The following DDX46 variants were observed in gnomAD, a reference collection of about 807,000 sequenced individuals.
DDX46 encodes probable ATP-dependent RNA helicase DDX46.
In DDX46, 30 loss-of-function variants were observed where a neutral mutation model predicts 134.9. The observed-to-expected ratio is 0.22, with a 90% confidence interval of 0.17 to 0.30. The LOEUF (loss-of-function observed/expected upper bound fraction) is 0.30, where lower values mean the gene tolerates loss of function less well. Among genes scored for constraint, DDX46 ranks in the 10% least tolerant of loss-of-function variants. The pLI, the probability that DDX46 is intolerant of heterozygous loss-of-function variation, is 1.00. For synonymous variants in DDX46, 415 were observed against 404.1 expected, an observed-to-expected ratio of 1.03 and a Z score of -0.32; for missense variants, 622 against 1,248.7, an observed-to-expected ratio of 0.50 and a Z score of 7.56.
chr5:134,806,600 T>C (rs1754993635), intron 15 of DDX46, among the ~76,000 whole-genome samples: 1 of 152,354 alleles, frequency 6.6e-6, no homozygotes, highest in East Asian at 1.9e-4. Flanking sequence ...GATTCCAGTT[T>C]CTTTGACAAT....
chr5:134,801,950 G>T (rs1754840818), intron 15 of DDX46, among the ~76,000 whole-genome samples: 1 of 152,028 alleles, frequency 6.6e-6, no homozygotes, highest in Admixed American at 6.6e-5. Flanking sequence ...TATTTATTCT[G>T]TGTGGGGTTC....
At chr5:134,786,954 A>G (rs1754356407) in intron 11 of DDX46, among the ~76,000 whole-genome samples, 1 of 151,588 alleles carries the variant, frequency 6.6e-6, no homozygotes, top group Non-Finnish European at 1.5e-5. Context: ...ACAGCATCTT[A>G]CTCTGTTGCC....
intron 19 of DDX46, 99 bp downstream of exon 19, chr5:134,816,705 G>A: frequency 8.4e-7 from 1 of 1,191,100 alleles, no homozygotes; most frequent in Non-Finnish European, 1.2e-6. Context: ...AGTTGTCCTA[G>A]ACATTGAGTT....
At chr5:134,777,507 G>A in intron 5 of DDX46, 67 bp from the exon 6 acceptor site, 2 of 1,575,230 alleles carry the variant, frequency 1.3e-6, no homozygotes, top group Non-Finnish European at 1.7e-6. Flanking sequence ...GAGGTGGGGT[G>A]TGGTCTGATT....
rs929261805 is a variant in DDX46 at position 134,830,414 on chromosome 5, C to G, written c.*1708C>G. 6.6e-6 allele frequency: 1 copy of G among 151,732 alleles called. No individual in the cohort carries two copies. Among genetic ancestry groups the G allele is most frequent in the African/African-American group, 2.4e-5 (1 of 41,046 alleles). The allele number at this position is 151,732 out of a possible 1,614,324, so 9.4% of individuals were successfully genotyped here. ...GAGGAGGGGTTTAAGGGGTGTCCTG[C>G]AATCAGTCCCCCTCTCATACCAAAG... is the stretch of plus-strand genomic sequence containing the variant. On this transcript the variant is annotated 3_prime_UTR_variant, in exon 23 of 23. Coordinates refer to ENST00000452510, the MANE Select transcript of DDX46 (RefSeq NM_001300860.2).
intron 15 of DDX46, among the ~76,000 whole-genome samples, chr5:134,801,764 T>A (rs1172369362): frequency 1.3e-5 from 2 of 152,328 alleles, no homozygotes; most frequent in East Asian, 3.9e-4. Flanking sequence ...TTTGTGTATC[T>A]GTTCATCTGT....
rs1048451554 is a variant in DDX46, at chr5:134,758,865, A to T, written c.-74A>T. The T allele has an allele frequency of 6.2e-7, 1 of 1,611,172 alleles. No individual in the cohort carries two copies. Among genetic ancestry groups the T allele is most frequent in the African/African-American group, 1.3e-5 (1 of 74,864 alleles). On this transcript the variant is annotated 5_prime_UTR_variant, in exon 1 of 23. Transcript: ENST00000452510. The stretch of plus-strand genomic sequence containing the variant: ...CTGGTCTTTGCCGGGCGTTGAGGGC[A>T]GCTCAGCCTCCTTGTTTGTCCGGTT...
chr5:134,778,519 G>A (rs1427322739), intron 6 of DDX46, among the ~76,000 whole-genome samples: 1 of 151,988 alleles, frequency 6.6e-6, no homozygotes, highest in Non-Finnish European at 1.5e-5. Flanking sequence ...CAAGCCCCTG[G>A]CTTGCCTAGT....
chr5:134,764,205 C>T, intron 2 of DDX46, 113 bp downstream of exon 2: 1 of 1,005,324 alleles, frequency 9.9e-7, no homozygotes, highest in East Asian at 2.7e-5. Flanking sequence ...AATTGCAGGC[C>T]CTTTTCTTTA....
At chr5:134,806,377 A>C (rs1289628397) in intron 15 of DDX46, among the ~76,000 whole-genome samples, 1 of 152,146 alleles carries the variant, frequency 6.6e-6, no homozygotes, top group South Asian at 2.1e-4. Flanking sequence ...TTATTTTAAA[A>C]AGGAAGGGGG....
rs754119253 is a variant in DDX46, at chr5:134,781,911, T to C, written c.880-10T>C. The C allele has an allele frequency of 1.9e-6, 3 of 1,593,100 alleles. No homozygotes were observed. The Admixed American group carries it at 5.7e-5, about 30-fold the overall frequency. ...AACTTAGCGCTTTAATTTTTTCTTT[T>C]AAACTATAGTATTCTTCAGAGGAGG... On this transcript the variant is annotated splice_polypyrimidine_tract_variant and intron_variant, in intron 7 of 22. Coordinates refer to ENST00000452510, the MANE Select transcript of DDX46 (RefSeq NM_001300860.2).
In DDX46 at chr5:134,829,302, A is replaced by AT. The variant is rs897093195; in HGVS notation, c.*603dup. 6 of 152,132 alleles carry AT rather than the reference A, an allele frequency of 3.9e-5. No individual in the cohort carries two copies. Among genetic ancestry groups the AT allele is most frequent in the African/African-American group, 1.4e-4 (6 of 41,432 alleles). The allele number at this position is 152,132 out of a possible 1,614,324, so 9.4% of individuals were successfully genotyped here. On this transcript the variant is annotated 3_prime_UTR_variant, in exon 23 of 23. Transcript: ENST00000452510. ...CAAGTAAAGATTTAATAGTATAAGG[A>AT]TTTTTTTGCATTTCTTTACACTGAG...
intron 4 of DDX46, 90 bp downstream of exon 4, chr5:134,771,089 CTCTTTCTTTCTTTCTTTTCTGTCTG>C (rs1753753550): frequency 1.8e-6 from 1 of 548,548 alleles, no homozygotes; most frequent in South Asian, 2.2e-5. Flanking sequence ...TTCTTTCTTT[CTCTTTCTTTCTTTCTTTTCTGTCTG>C]TCTTTCTTTC....
At chr5:134,815,117 G>A (rs1454755835) in intron 18 of DDX46, among the ~76,000 whole-genome samples, 1 of 152,192 alleles carries the variant, frequency 6.6e-6, no homozygotes, top group Non-Finnish European at 1.5e-5. Flanking sequence ...GGACGTGCTA[G>A]TGCACGCTGT....
At chr5:134,766,555 C>CAA (rs763184359) in intron 2 of DDX46, among the ~76,000 whole-genome samples, 3 of 107,492 alleles carry the variant, frequency 2.8e-5, no homozygotes, top group Non-Finnish European at 3.9e-5. Flanking sequence ...ACTCTGTCTC[C>CAA]AAAAAAAAAA....
intron 3 of DDX46, among the ~76,000 whole-genome samples, chr5:134,770,199 A>ATTTTT (rs368105956): frequency 7.7e-6 from 1 of 129,802 alleles, no homozygotes; most frequent in Non-Finnish European, 1.6e-5. Context: ...GCCTGACCAA[A>ATTTTT]TTTTTTTTTT....
chr5:134,779,180 A>G (rs1194827471), intron 6 of DDX46, among the ~76,000 whole-genome samples: 1 of 151,902 alleles, frequency 6.6e-6, no homozygotes, highest in Non-Finnish European at 1.5e-5. Context: ...TATAGGCATT[A>G]GCCACTGCAC....
chr5:134,768,678 G>A (rs1753658867), intron 3 of DDX46, among the ~76,000 whole-genome samples: 1 of 152,032 alleles, frequency 6.6e-6, no homozygotes, highest in South Asian at 2.1e-4. Context: ...TTAAAATTAA[G>A]AAATTTTATT....
At chr5:134,827,475 G>T (rs1755620744) in intron 22 of DDX46, among the ~76,000 whole-genome samples, 1 of 152,086 alleles carries the variant, frequency 6.6e-6, no homozygotes, top group African/African-American at 2.4e-5. Flanking sequence ...GTGTTTCACT[G>T]TGTTGGCAAG....
Sources: gnomAD v4.1 joint callset for allele counts (sites outside exome capture counted in the v4.1 genomes callset) on GRCh38, gnomAD v4.1.1 for gene constraint, MANE v1.5 for transcripts, NCBI Gene and HGNC (gene_info 2026-07-23, HGNC 2026-07-21) for gene names.